The following KMT2D variants were observed in gnomAD, a reference collection of about 807,000 sequenced individuals.
KMT2D encodes lysine methyltransferase 2D, also known as histone-lysine N-methyltransferase 2D.
In KMT2D, 55 loss-of-function variants were observed where a neutral mutation model predicts 512.7. The ratio of observed to expected loss-of-function variants is 0.11; its 90% confidence interval spans 0.09 to 0.13. The LOEUF (loss-of-function observed/expected upper bound fraction) is 0.13, where lower values mean the gene tolerates loss of function less well. Among genes scored for constraint, KMT2D ranks in the 10% least tolerant of loss-of-function variants. The pLI, the probability that KMT2D is intolerant of heterozygous loss-of-function variation, is 1.00. For synonymous variants in KMT2D, 2,995 were observed against 2,904.0 expected, an observed-to-expected ratio of 1.03 and a Z score of -1.01; for missense variants, 6,061 against 7,127.9, an observed-to-expected ratio of 0.85 and a Z score of 5.39.
chr12:49,029,533 C>A, intron 43 of KMT2D, 57 bp from the exon 44 acceptor site: 1 of 1,286,012 alleles, frequency 7.8e-7, no homozygotes, highest in East Asian at 2.5e-5. Context: ...GCTGATGGTA[C>A]CTTCTCCCAA....
At chr12:49,059,067 C>T (rs1473852140) in intron 1 of KMT2D, among the ~76,000 whole-genome samples, 1 of 152,132 alleles carries the variant, frequency 6.6e-6, no homozygotes, top group African/African-American at 2.4e-5. Context: ...TAGTCAGTTT[C>T]CACACACTCT....
rs1422707195 is a variant in KMT2D at position 49,040,660 on chromosome 12, G to C, written c.7110C>G (p.Arg2370=). ...CATATGGGTCAGTGTAGGAGCCAGG[G>C]CGAAAGATGTCTGGGTGACTTGGAG... ...PSPPSHPDIF[R]PGSYTDPYAQ... Residue 2370 remains arginine (R), a synonymous_variant, in exon 32 of 55, where the codon CGC becomes CGG. Transcript: ENST00000301067. The C allele has an allele frequency of 6.2e-7, 1 of 1,613,822 alleles. No individual in the cohort carries two copies. The highest frequency in any genetic ancestry group is 1.7e-5 in the Admixed American group (1 of 60,020).
chr12:49,036,313 CTTT>C (rs766450235), intron 35 of KMT2D, among the ~76,000 whole-genome samples: 3 of 136,516 alleles, frequency 2.2e-5, no homozygotes. Flanking sequence ...ATCCCAATCG[CTTT>C]TTTTTTTTTT....
rs749670394 is a variant in KMT2D at position 49,040,254 on chromosome 12, G to A, written c.7516C>T (p.Leu2506Phe). The change falls in exon 32 of 55, where the codon CTC becomes TTC. Residue 2506 changes from leucine to phenylalanine, a missense_variant. This residue lies in a region of KMT2D where 710 missense variants were observed against 647.3 expected (regional missense o/e 1.10). Transcript: ENST00000301067. ...AALPAGPAGELHAKVPSGQPP... is the reference protein window; with the variant it reads ...AALPAGPAGEFHAKVPSGQPP... ...TGCCCACTTGGGACCTTGGCATGGA[G>A]CTCACCTGCTGGCCCCGCGGGCAGG... The A allele has an allele frequency of 1.1e-5, 17 of 1,612,300 alleles. No homozygotes were observed. The highest frequency in any genetic ancestry group is 3.3e-5 in the Admixed American group (2 of 59,952).
At position 49,033,737 on chromosome 12, in the gene KMT2D, G is replaced by A; in HGVS notation, c.10968C>T (p.Arg3656=). 1 of 1,613,444 alleles carries A rather than the reference G, an allele frequency of 6.2e-7. No individual in the cohort carries two copies. Among genetic ancestry groups the A allele is most frequent in the South Asian group, 1.1e-5 (1 of 91,076 alleles). ...GTAGTGCCATACCCCCAGGGGTCAG[G>A]CGAAGACCTCCGGCTTGCCCACCCG... ...GPPGGQAGGL[R]LTPGGMALPG... The change falls in exon 40 of 55, where the codon CGC becomes CGT. Residue 3656 remains arginine, a synonymous_variant. Coordinates refer to ENST00000301067, the MANE Select transcript of KMT2D (RefSeq NM_003482.4).
rs1363148814 is a variant in KMT2D, at chr12:49,033,346, C to A, written c.11359G>T (p.Val3787Phe). ...MPPSSHQGLL[V>F]QQLSPQPPQG... Reference sequence around the variant, plus strand: ...GGTGGTTGAGGGGACAGCTGCTGGACCAGGAGGCCTTGGTGGCTGCTGGGA... The same window carrying A: ...GGTGGTTGAGGGGACAGCTGCTGGAACAGGAGGCCTTGGTGGCTGCTGGGA... The change falls in exon 40 of 55, where the codon GTC (valine) becomes TTC (phenylalanine). Residue 3787 changes from valine (V) to phenylalanine (F), a missense_variant. Physicochemically the swap from Val to Phe is conservative, Grantham distance 50. Around this residue, in one of 16 missense-constraint regions of KMT2D, gnomAD observed 1,600 missense variants for 1,754.9 expected, o/e 0.91. Coordinates refer to ENST00000301067, the MANE Select transcript of KMT2D (RefSeq NM_003482.4). The A allele has an allele frequency of 1.3e-6, 2 of 1,592,034 alleles. No individual in the cohort carries two copies. The highest frequency in any genetic ancestry group is 2.3e-5 in the East Asian group (1 of 43,782).
Position 49,051,797 on chromosome 12 carries a change from G to A in KMT2D, c.1886C>T (p.Pro629Leu), listed in dbSNP as rs1938058645. 2 of 1,612,666 alleles carry A rather than the reference G, an allele frequency of 1.2e-6. No individual in the cohort carries two copies. The highest frequency in any genetic ancestry group is 8.5e-7 in the Non-Finnish European group (1 of 1,179,008). The change falls in exon 11 of 55, where the codon CCA becomes CTA. Residue 629 changes from proline to leucine, a missense_variant. Physicochemically the swap from Pro to Leu is moderately conservative, Grantham distance 98 (BLOSUM62 -3). This residue lies in a region of KMT2D where 848 missense variants were observed against 838.5 expected (regional missense o/e 1.01). Coordinates refer to ENST00000301067, the MANE Select transcript of KMT2D (RefSeq NM_003482.4). The part of the protein sequence containing the change: ...PPPEASRLSP[P>L]PEDSPMSPPP... ...TGGGGACATAGGCGAGTCCTCAGGT[G>A]GTGGGGACAGGCGTGATGCCTCAGG...
chr12:49,044,321 T>C lies in KMT2D; in HGVS notation c.5084-17A>G, dbSNP rs368795536. 40 of 1,613,652 alleles carry C rather than the reference T, an allele frequency of 2.5e-5. No homozygotes were observed. The highest frequency in any genetic ancestry group is 2.0e-4 in the African/African-American group (15 of 74,880). On this transcript the variant is annotated splice_polypyrimidine_tract_variant and intron_variant, in intron 21 of 54. Coordinates refer to ENST00000301067, the MANE Select transcript of KMT2D (RefSeq NM_003482.4). The surrounding 1 kb of genome is among the most constrained non-coding windows in gnomAD (Gnocchi z 6.4). The stretch of plus-strand genomic sequence containing the variant: ...CACCAATGCCTATGAGGAGGCAGAG[T>C]TGTGGATGAGAAGCCGCTGGGGGAC...
intron 51 of KMT2D, among the ~76,000 whole-genome samples, chr12:49,023,135 G>A (rs1942406487): frequency 6.6e-6 from 1 of 152,074 alleles, no homozygotes; most frequent in South Asian, 2.1e-4. Context: ...TGTGGAGGGA[G>A]ATGGGGGGCA....
At chr12:49,057,329 A>G (rs559193812) in intron 1 of KMT2D, among the ~76,000 whole-genome samples, 2 of 152,352 alleles carry the variant, frequency 1.3e-5, no homozygotes, top group East Asian at 1.9e-4. Flanking sequence ...AAGAGTCACA[A>G]ACATCAAGAA....
chr12:49,038,290 A>G lies in KMT2D; in HGVS notation c.9066T>C (p.Asp3022=), dbSNP rs2120493670. 6.2e-7 allele frequency: 1 copy of G among 1,613,794 alleles called. No homozygotes were observed. Among genetic ancestry groups the G allele is most frequent in the Non-Finnish European group, 8.5e-7 (1 of 1,179,888 alleles). ...LGLGVDVAKG[D]DELGTLENLE... is the part of the protein sequence containing the mutation. The stretch of plus-strand genomic sequence containing the variant: ...GGTTTTCTAAGGTGCCAAGTTCATC[A>G]TCACCCTTGGCCACATCCACACCCA... Residue 3022 remains aspartate, a synonymous_variant, in exon 35 of 55, where the codon GAT becomes GAC. Coordinates refer to ENST00000301067, the MANE Select transcript of KMT2D (RefSeq NM_003482.4). The surrounding 1 kb of genome is among the most constrained non-coding windows in gnomAD (Gnocchi z 5.7).
In KMT2D at chr12:49,039,023, T is replaced by C; in HGVS notation, c.8367-34A>G. On this transcript the variant is annotated intron_variant, in intron 34 of 54. Transcript: ENST00000301067. The surrounding 1 kb of genome is among the most constrained non-coding windows in gnomAD (Gnocchi z 5.0). ...ATATACAGTAGTCAGTAGGATGAAA[T>C]CAGATGAAAAGGAGCAAGAACATGG... 6.4e-7 allele frequency: 1 copy of C among 1,550,448 alleles called. No individual in the cohort carries two copies. Among genetic ancestry groups the C allele is most frequent in the South Asian group, 1.2e-5 (1 of 84,520 alleles).
chr12:49,049,756 C>T lies in KMT2D; in HGVS notation c.3832G>A (p.Ala1278Thr), dbSNP rs747583918. 1 of 1,610,772 alleles carries T rather than the reference C, an allele frequency of 6.2e-7. No homozygotes were observed. The highest frequency in any genetic ancestry group is 8.5e-7 in the Non-Finnish European group (1 of 1,177,214). Residue 1278 changes from alanine to threonine, a missense_variant, in exon 12 of 55, where the codon GCT (alanine) becomes ACT (threonine). Coordinates refer to ENST00000301067, the MANE Select transcript of KMT2D (RefSeq NM_003482.4). ...CCCTCAGCTTTGCCTCCGCTGATAGCTGTCCCAGCATCGCACAATAGTGAG... is the reference window on the plus strand; with the variant it reads ...CCCTCAGCTTTGCCTCCGCTGATAGTTGTCCCAGCATCGCACAATAGTGAG... ...DDSLLCDAGT[A>T]ISGGKAEGEK...
chr12:49,023,818 G>C (rs1227956087), intron 51 of KMT2D, among the ~76,000 whole-genome samples: 2 of 152,156 alleles, frequency 1.3e-5, no homozygotes, highest in East Asian at 1.9e-4. Flanking sequence ...GAGAGTCTCT[G>C]ACATTCTACA....
chr12:49,055,733 T>A (rs960988043), intron 1 of KMT2D, among the ~76,000 whole-genome samples: 10 of 152,088 alleles, frequency 6.6e-5, no homozygotes, highest in Non-Finnish European at 1.5e-4. Context: ...CCCACACCTT[T>A]CCCTCAAGTC....
At chr12:49,021,981 G>T in intron 54 of KMT2D, 62 bp downstream of exon 54, 1 of 1,552,682 alleles carries the variant, frequency 6.4e-7, no homozygotes, top group Non-Finnish European at 8.9e-7. Flanking sequence ...TTAGGGAATG[G>T]CAGAGAAGGG....
rs1943428391 is a variant in KMT2D at position 49,040,048 on chromosome 12, C to T, written c.7722G>A (p.Lys2574=). The change falls in exon 32 of 55, where the codon AAG becomes AAA. Residue 2574 remains lysine (K), a synonymous_variant. Coordinates refer to ENST00000301067, the MANE Select transcript of KMT2D (RefSeq NM_003482.4). ...SHFGPGPTLG[K]PQSTNYTVAT... ...CTACTGTGTAGTTTGTGCTTTGAGGCTTGCCCAAGGTGGGGCCGGGCCCAA... is the reference window on the plus strand; with the variant it reads ...CTACTGTGTAGTTTGTGCTTTGAGGTTTGCCCAAGGTGGGGCCGGGCCCAA... 1.9e-6 allele frequency: 3 copies of T among 1,613,762 alleles called. No individual in the cohort carries two copies. Among genetic ancestry groups the T allele is most frequent in the South Asian group, 2.2e-5 (2 of 91,060 alleles).
In KMT2D at chr12:49,037,801, A is replaced by G. The variant is rs754704644; in HGVS notation, c.9555T>C (p.Phe3185=). Residue 3185 remains phenylalanine, a synonymous_variant, in exon 35 of 55, where the codon TTT becomes TTC. Transcript: ENST00000301067. ...GAGCTGGTGGTCCTCCCGTGGCCCC[A>G]AAGGAGGCCTTCTCAGCTGTGTGCC... is the stretch of plus-strand genomic sequence containing the variant. ...SSGHTAEKAS[F]GATGGPPAHL... 1.3e-6 allele frequency: 2 copies of G among 1,597,018 alleles called. No homozygotes were observed. Among genetic ancestry groups the G allele is most frequent in the Admixed American group, 1.7e-5 (1 of 57,608 alleles).
chr12:49,041,883 T>C lies in KMT2D; in HGVS notation c.6183+34A>G. On this transcript the variant is annotated intron_variant, in intron 30 of 54. Transcript: ENST00000301067. The surrounding 1 kb of genome is among the most constrained non-coding windows in gnomAD (Gnocchi z 5.4). ...CCAAAGATCCCTCCCTCCCTCTCAG[T>C]TCCCACGCTAATCCATGCTCCTTTC... 1 of 1,576,656 alleles carries C rather than the reference T, an allele frequency of 6.3e-7. No homozygotes were observed. The highest frequency in any genetic ancestry group is 2.3e-5 in the East Asian group (1 of 43,754).
Sources: allele counts gnomAD v4.1 joint callset (sites outside exome capture counted in the v4.1 genomes callset), GRCh38; gene constraint gnomAD v4.1.1; regional missense constraint gnomAD v4.1.1; non-coding constraint Gnocchi (gnomAD v3.1); transcripts MANE v1.5; gene names NCBI Gene and HGNC (gene_info 2026-07-23, HGNC 2026-07-21).